Variants in CATSPERT observed in about 807,000 individuals in gnomAD.
CATSPERT encodes catsper channel auxiliary subunit tau.
At chr2:201,581,524 A>ATATATG in the CATSPERT span, among the ~76,000 whole-genome samples, 1 of 81,592 alleles carries the variant, frequency 1.2e-5, no homozygotes, top group African/African-American at 6.0e-5. Flanking sequence ...ATATATATAT[A>ATATATG]AAATATTCTG....
At chr2:201,539,259 T>C in the CATSPERT span, among the ~76,000 whole-genome samples, 10 of 152,338 alleles carry the variant, frequency 6.6e-5, no homozygotes, top group South Asian at 1.2e-3. Context: ...TCTACAGTAG[T>C]TGAACTAATT....
chr2:201,544,665 T>C, the CATSPERT span, among the ~76,000 whole-genome samples: 1 of 152,034 alleles, frequency 6.6e-6, no homozygotes, highest in Non-Finnish European at 1.5e-5. Context: ...GTTAATATTT[T>C]AACTTTTTTC....
At chr2:201,614,056 A>G in the CATSPERT span, among the ~76,000 whole-genome samples, 954 of 152,360 alleles carry the variant, frequency 6.3e-3, 6 homozygotes, top group African/African-American at 0.021. Flanking sequence ...ATATGGGACT[A>G]CGTGAAAAGA....
At chr2:201,576,126 C>T in the CATSPERT span, among the ~76,000 whole-genome samples, 1 of 152,182 alleles carries the variant, frequency 6.6e-6, no homozygotes, top group Non-Finnish European at 1.5e-5. Context: ...AACTGCCATG[C>T]CCACATTGTT....
chr2:201,503,358 G>C, the CATSPERT span, among the ~76,000 whole-genome samples: 2 of 152,164 alleles, frequency 1.3e-5, no homozygotes, highest in Non-Finnish European at 2.9e-5. Flanking sequence ...CTCCTGAGTA[G>C]CTGGGACTTC....
chr2:201,544,836 AAAAT>A, the CATSPERT span, among the ~76,000 whole-genome samples: 2 of 150,180 alleles, frequency 1.3e-5, no homozygotes, highest in Non-Finnish European at 1.5e-5. Flanking sequence ...AAAAAAAAAA[AAAAT>A]ACAAAAATTA....
chr2:201,518,051 G>A, the CATSPERT span, among the ~76,000 whole-genome samples: 114,937 of 152,078 alleles, frequency 0.76, 44,370 homozygotes, highest in East Asian at 0.99. Context: ...CAGAGCCCCT[G>A]ACATAAGCTT....
chr2:201,574,341 G>T, the CATSPERT span: 1 of 1,375,010 alleles, frequency 7.3e-7, no homozygotes, highest in Non-Finnish European at 1.0e-6. Flanking sequence ...GGGACAAAAA[G>T]TGATATTTTT....
At chr2:201,547,255 A>G in the CATSPERT span, among the ~76,000 whole-genome samples, 1 of 152,142 alleles carries the variant, frequency 6.6e-6, no homozygotes, top group South Asian at 2.1e-4. Flanking sequence ...TGAGTTCTAT[A>G]CTTTAAATGG....
the CATSPERT span, among the ~76,000 whole-genome samples, chr2:201,516,786 G>GT: frequency 7.3e-6 from 1 of 137,378 alleles, no homozygotes. Flanking sequence ...ACTCACCTGC[G>GT]TATGGGGGTG....
At chr2:201,577,466 C>T in the CATSPERT span, among the ~76,000 whole-genome samples, 1 of 152,094 alleles carries the variant, frequency 6.6e-6, no homozygotes, top group African/African-American at 2.4e-5. Context: ...AGCACGATAG[C>T]CAAGATATGG....
At chr2:201,567,386 A>G in the CATSPERT span, among the ~76,000 whole-genome samples, 1 of 152,250 alleles carries the variant, frequency 6.6e-6, no homozygotes, top group Non-Finnish European at 1.5e-5. Flanking sequence ...TAGGATGTAT[A>G]TATACATAAA....
At chr2:201,492,160 G>T in the CATSPERT span, 97 of 1,524,978 alleles carry the variant, frequency 6.4e-5, no homozygotes, top group South Asian at 5.9e-4. Flanking sequence ...TTGTAAAGTG[G>T]TTTGTTGAAC....
the CATSPERT span, among the ~76,000 whole-genome samples, chr2:201,570,156 A>G: frequency 6.6e-6 from 1 of 152,074 alleles, no homozygotes; most frequent in Non-Finnish European, 1.5e-5. Flanking sequence ...AGGCAACAGA[A>G]CAAGACCCTG....
the CATSPERT span, among the ~76,000 whole-genome samples, chr2:201,561,185 C>T: frequency 1.3e-5 from 2 of 152,056 alleles, no homozygotes; most frequent in Non-Finnish European, 2.9e-5. Flanking sequence ...TGTTATGCAG[C>T]AATAGGAAGA....
the CATSPERT span, among the ~76,000 whole-genome samples, chr2:201,498,492 T>A: frequency 6.6e-6 from 1 of 152,104 alleles, no homozygotes; most frequent in Non-Finnish European, 1.5e-5. Flanking sequence ...TGGCACTGAC[T>A]GGACAGTGCC....
chr2:201,563,045 G>T, the CATSPERT span, among the ~76,000 whole-genome samples: 1 of 151,202 alleles, frequency 6.6e-6, no homozygotes, highest in Non-Finnish European at 1.5e-5. Context: ...CCTCCCAGAC[G>T]GGGTGGTGGC....
At chr2:201,494,930 A>G in the CATSPERT span, among the ~76,000 whole-genome samples, 3 of 152,180 alleles carry the variant, frequency 2.0e-5, no homozygotes, top group East Asian at 5.8e-4. Context: ...AAATTGAAAT[A>G]AAAATTTTAA....
At chr2:201,566,568 G>A in the CATSPERT span, among the ~76,000 whole-genome samples, 4 of 151,994 alleles carry the variant, frequency 2.6e-5, no homozygotes, top group African/African-American at 9.7e-5. Flanking sequence ...GTATTCCATG[G>A]TGTATATGTG....
Sources: allele counts gnomAD v4.1 joint callset (sites outside exome capture counted in the v4.1 genomes callset), GRCh38; gene constraint gnomAD v4.1.1; transcripts MANE v1.5; gene names NCBI Gene and HGNC (gene_info 2026-07-23, HGNC 2026-07-21).